The following PRRC2B variants were observed in gnomAD, a reference collection of about 807,000 sequenced individuals.
The protein encoded by PRRC2B is proline rich coiled-coil 2B.
In PRRC2B, 68 loss-of-function variants were observed where a neutral mutation model predicts 242.3. The ratio of observed to expected loss-of-function variants is 0.28; its 90% confidence interval spans 0.23 to 0.34. The LOEUF is 0.34. Ranked by LOEUF, PRRC2B falls within the 10% of genes least tolerant of loss-of-function variation. The pLI, the probability that PRRC2B is intolerant of heterozygous loss-of-function variation, is 1.00. For missense variants in PRRC2B, 2,835 were observed against 2,954.8 expected (o/e 0.96, Z 0.94); for synonymous variants, 1,228 against 1,173.6 (o/e 1.05, Z -0.95).
chr9:131,492,275 TG>T lies in PRRC2B; in HGVS notation c.6473+19del, dbSNP rs772462991. 165 of 1,602,208 alleles carry T rather than the reference TG, an allele frequency of 1.0e-4. No homozygotes were observed. The East Asian group carries it at 3.6e-3, about 35-fold the overall frequency. On this transcript the variant is annotated intron_variant, in intron 30 of 31. Coordinates refer to ENST00000683519, the MANE Select transcript of PRRC2B (RefSeq NM_013318.4). ...CAGACCTACAGGTAAAGCCACTCCC[TG>T]GGGACTGCGTGCTGTGTAGCTGAGC...
chr9:131,482,256 A>G lies in PRRC2B; in HGVS notation c.4984-115A>G. The G allele has an allele frequency of 8.4e-7, 1 of 1,192,742 alleles. No homozygotes were observed. The highest frequency in any genetic ancestry group is 1.2e-6 in the Non-Finnish European group (1 of 842,250). 73.9% of individuals were successfully genotyped at this position (1,192,742 alleles called of 1,614,324 possible). A position where few individuals can be genotyped will look rare whatever the true frequency, so the allele number is the denominator to read the frequency against. ...AGGGCAGGATCAAGATCAGGACCAG[A>G]CTTGGCAAGGGACAGGCAGCTGGGG... On this transcript the variant is annotated intron_variant, in intron 20 of 31. Coordinates refer to ENST00000683519, the MANE Select transcript of PRRC2B (RefSeq NM_013318.4). The surrounding 1 kb of genome is among the most constrained non-coding windows in gnomAD (Gnocchi z 5.2).
chr9:131,471,548 A>T (rs1428432505), intron 14 of PRRC2B, among the ~76,000 whole-genome samples: 1 of 152,242 alleles, frequency 6.6e-6, no homozygotes, highest in Non-Finnish European at 1.5e-5. Context: ...GCAAACTTCT[A>T]CTAATGACCA....
intron 14 of PRRC2B, among the ~76,000 whole-genome samples, chr9:131,472,699 G>A (rs1198227140): frequency 1.3e-5 from 2 of 151,832 alleles, no homozygotes; most frequent in African/African-American, 2.4e-5. Flanking sequence ...GGCTGGTCTC[G>A]AACTCCTGAC....
chr9:131,488,617 C>T (rs1944094722), intron 28 of PRRC2B, among the ~76,000 whole-genome samples: 1 of 152,212 alleles, frequency 6.6e-6, no homozygotes, highest in Non-Finnish European at 1.5e-5. Flanking sequence ...CTGCCTGCTC[C>T]TGCAGCCCCC....
At chr9:131,459,475 A>G in intron 11 of PRRC2B, 119 bp downstream of exon 11, 1 of 926,726 alleles carries the variant, frequency 1.1e-6, no homozygotes. Context: ...TTTTGTTAAA[A>G]TGTTTTTTCA....
intron 5 of PRRC2B, 144 bp downstream of exon 5, chr9:131,439,205 C>T: frequency 2.9e-6 from 2 of 679,542 alleles, no homozygotes; most frequent in South Asian, 3.6e-5. Flanking sequence ...GAGCCCTTGC[C>T]TGTGCACAGC....
chr9:131,484,907 G>C, intron 24 of PRRC2B, 41 bp from the exon 25 acceptor site: 1 of 1,589,318 alleles, frequency 6.3e-7, no homozygotes, highest in South Asian at 1.1e-5. Flanking sequence ...CTGCCAGCGT[G>C]ATAGTAATTT....
chr9:131,444,271 A>G lies in PRRC2B; in HGVS notation c.556A>G (p.Lys186Glu). The change falls in exon 6 of 32, where the codon AAA becomes GAA. Residue 186 changes from lysine (K) to glutamate (E), a missense_variant. Physicochemically the swap from Lys to Glu is moderately conservative, Grantham distance 56. Around this residue, in one of 7 missense-constraint regions of PRRC2B, gnomAD observed 626 missense variants for 685.5 expected, o/e 0.91. Transcript: ENST00000683519. ...KAAGGQDKAG[K>E]EKGVLDLSYG... ...AGCTGGAGGGCAGGACAAGGCTGGC[A>G]AAGAAAAGGGCGTCTTAGATCTGTC... 6.2e-7 allele frequency: 1 copy of G among 1,613,916 alleles called. No homozygotes were observed. The highest frequency in any genetic ancestry group is 8.5e-7 in the Non-Finnish European group (1 of 1,179,824).
rs753910828 is a variant in PRRC2B, at chr9:131,477,908, A to G, written c.4571A>G (p.Glu1524Gly). 1.9e-6 allele frequency: 3 copies of G among 1,614,038 alleles called. No individual in the cohort carries two copies. The East Asian group carries it at 6.7e-5, about 36-fold the overall frequency. ...AAGTTGGCTGCTCCGAGGGCAGGTGAACAGGGAGAGGCCATGAAACAGTTT... is the reference window on the plus strand; with the variant it reads ...AAGTTGGCTGCTCCGAGGGCAGGTGGACAGGGAGAGGCCATGAAACAGTTT... ...EAKLAAPRAG[E>G]QGEAMKQFDL... Residue 1524 changes from glutamate to glycine, a missense_variant, in exon 17 of 32, where the codon GAA becomes GGA. Physicochemically the swap from Glu to Gly is moderately conservative, Grantham distance 98. This residue lies in a region of PRRC2B where 1,536 missense variants were observed against 1,483.1 expected (regional missense o/e 1.04). Coordinates refer to ENST00000683519, the MANE Select transcript of PRRC2B (RefSeq NM_013318.4).
At chr9:131,413,339 G>A (rs982953138) in intron 1 of PRRC2B, among the ~76,000 whole-genome samples, 4 of 152,214 alleles carry the variant, frequency 2.6e-5, no homozygotes, top group Non-Finnish European at 4.4e-5. Context: ...AATGGAAACT[G>A]AACGCAGTAG....
intron 16 of PRRC2B, among the ~76,000 whole-genome samples, chr9:131,476,960 TC>T (rs1426601239): frequency 6.6e-6 from 1 of 152,188 alleles, no homozygotes; most frequent in African/African-American, 2.4e-5. Context: ...AAGTGGCTCT[TC>T]CTAGATGGTT....
In PRRC2B at chr9:131,476,281, CGAGCGGCGG is replaced by C. The variant is rs758189915; in HGVS notation, c.4164_4172del (p.Arg1389_Glu1391del). On this transcript the variant is annotated inframe_deletion, in exon 16 of 32. Coordinates refer to ENST00000683519, the MANE Select transcript of PRRC2B (RefSeq NM_013318.4). Reference sequence around the variant, plus strand: ...CGGCCTCCGAAAGCAGCGACTTCAGCGAGCGGCGGGAGCGGCGGGAAGGCCCTGGGTCCG... The same window carrying C: ...CGGCCTCCGAAAGCAGCGACTTCAGCGAGCGGCGGGAAGGCCCTGGGTCCG... The C allele has an allele frequency of 3.0e-5, 48 of 1,607,588 alleles. No homozygotes were observed. The highest frequency in any genetic ancestry group is 1.1e-4 in the East Asian group (5 of 44,590).
At chr9:131,431,584 A>C (rs867803047) in intron 2 of PRRC2B, among the ~76,000 whole-genome samples, 3 of 144,416 alleles carry the variant, frequency 2.1e-5, no homozygotes, top group African/African-American at 7.7e-5. Flanking sequence ...CTTAATAAAG[A>C]ATTTTTTTTT....
Position 131,495,940 on chromosome 9 carries a change from C to A in PRRC2B, c.*66C>A. 1.3e-6 allele frequency: 2 copies of A among 1,568,718 alleles called. No individual in the cohort carries two copies. The highest frequency in any genetic ancestry group is 1.7e-6 in the Non-Finnish European group (2 of 1,152,162). Reference sequence around the variant, plus strand: ...GTGCCGCCATGCGGCCTCGACACAGCCGACACTCGGGAGCCTCACCAGATC... The same window carrying A: ...GTGCCGCCATGCGGCCTCGACACAGACGACACTCGGGAGCCTCACCAGATC... On this transcript the variant is annotated 3_prime_UTR_variant, in exon 32 of 32. Coordinates refer to ENST00000683519, the MANE Select transcript of PRRC2B (RefSeq NM_013318.4).
chr9:131,459,054 A>G (rs374686014), intron 10 of PRRC2B, 110 bp from the exon 11 acceptor site: 21 of 913,842 alleles, frequency 2.3e-5, no homozygotes, highest in South Asian at 1.9e-4. Context: ...ATTCTAATGA[A>G]GAAAATGATT....
At position 131,475,094 on chromosome 9, in the gene PRRC2B, G is replaced by A. The variant is rs547246360; in HGVS notation, c.2965G>A (p.Glu989Lys). 3.7e-6 allele frequency: 6 copies of A among 1,611,260 alleles called. No individual in the cohort carries two copies. The highest frequency in any genetic ancestry group is 2.7e-5 in the African/African-American group (2 of 75,050). The change falls in exon 16 of 32, where the codon GAA (glutamate) becomes AAA (lysine). Residue 989 changes from glutamate (E) to lysine (K), a missense_variant. Glu to Lys is a moderately conservative substitution (Grantham distance 56, BLOSUM62 1). Coordinates refer to ENST00000683519, the MANE Select transcript of PRRC2B (RefSeq NM_013318.4). ...CCCCACGGCAGAAAAGGATGAGGAC[G>A]AAGAGAACGATGCCTCTCTGGCCAA... ...QSPTAEKDED[E>K]ENDASLANSS...
chr9:131,499,768 G>A lies in PRRC2B; in HGVS notation c.*3894G>A, dbSNP rs756897758. ...CCTCAGAGTGGAAATTCCTGCTAAG[G>A]CTCTGTGTGGACGCCTTTCTCCCGT... On this transcript the variant is annotated 3_prime_UTR_variant, in exon 32 of 32. Transcript: ENST00000683519. 2 of 152,192 alleles carry A rather than the reference G, an allele frequency of 1.3e-5. No homozygotes were observed. Among genetic ancestry groups the A allele is most frequent in the African/African-American group, 2.4e-5 (1 of 41,448 alleles). 9.4% of individuals were successfully genotyped at this position (152,192 alleles called of 1,614,324 possible). A position where few individuals can be genotyped will look rare whatever the true frequency, so the allele number is the denominator to read the frequency against.
At chr9:131,431,321 G>A (rs9802491) in intron 2 of PRRC2B, among the ~76,000 whole-genome samples, 112,289 of 151,662 alleles carry the variant, frequency 0.74, 42,281 homozygotes, top group East Asian at 0.93. Context: ...TAGTAGAGAC[G>A]GGGTTTCACC....
Position 131,436,729 on chromosome 9 carries a change from G to T in PRRC2B, c.396+7G>T. On this transcript the variant is annotated splice_region_variant and intron_variant, in intron 4 of 31. Coordinates refer to ENST00000683519, the MANE Select transcript of PRRC2B (RefSeq NM_013318.4). Reference sequence around the variant, plus strand: ...ACAGTCAATCAGTCAGGAGGTAGGTGCTGGGACCCCATCCCAACTGTTTCC... The same window carrying T: ...ACAGTCAATCAGTCAGGAGGTAGGTTCTGGGACCCCATCCCAACTGTTTCC... The T allele has an allele frequency of 2.5e-6, 4 of 1,609,212 alleles. No individual in the cohort carries two copies. The highest frequency in any genetic ancestry group is 3.4e-6 in the Non-Finnish European group (4 of 1,176,120).
Sources: gnomAD v4.1 joint callset for allele counts (sites outside exome capture counted in the v4.1 genomes callset) on GRCh38, gnomAD v4.1.1 for gene constraint, gnomAD v4.1.1 regional missense constraint, Gnocchi (gnomAD v3.1) non-coding constraint, MANE v1.5 for transcripts, NCBI Gene and HGNC (gene_info 2026-07-23, HGNC 2026-07-21) for gene names.